The following EED variants were observed in gnomAD, a reference collection of about 807,000 sequenced individuals.
EED encodes the protein embryonic ectoderm development.
EED carries 9 observed loss-of-function variants against 61.0 expected under a neutral mutation model. The observed-to-expected ratio is 0.15, with a 90% CI of 0.09 to 0.26. The LOEUF (loss-of-function observed/expected upper bound fraction) is 0.26, where lower values mean the gene tolerates loss of function less well. Ranked by LOEUF, EED falls within the 10% of genes least tolerant of loss-of-function variation. The pLI is 1.00. For missense variants in EED, 315 were observed against 542.3 expected, an observed-to-expected ratio of 0.58 and a Z score of 4.16; for synonymous variants, 187 against 174.4, an observed-to-expected ratio of 1.07 and a Z score of -0.57.
At chr11:86,256,609 C>T in intron 5 of EED, 97 bp downstream of exon 5, 1 of 1,201,874 alleles carries the variant, frequency 8.3e-7, no homozygotes, top group South Asian at 2.5e-5. Flanking sequence ...ATGAATGTAA[C>T]ATTTCTCATT....
At chr11:86,280,720 C>T (rs1946314034), downstream of EED, among the ~76,000 whole-genome samples, 1 of 152,160 alleles carries the variant, frequency 6.6e-6, no homozygotes, top group African/African-American at 2.4e-5. Flanking sequence ...GCAAATTGGG[C>T]TAATATATCC....
downstream of EED, among the ~76,000 whole-genome samples, chr11:86,280,378 C>T (rs1485469912): frequency 6.6e-6 from 1 of 152,112 alleles, no homozygotes; most frequent in Non-Finnish European, 1.5e-5. Context: ...AGTTATCAGC[C>T]ACATGTTTAT....
At chr11:86,276,449 G>A (rs1485821837) in intron 9 of EED, 1 of 152,128 alleles carries the variant, frequency 6.6e-6, no homozygotes, top group Non-Finnish European at 1.5e-5. Flanking sequence ...ACTTTCCTAA[G>A]ATACCTGTTG....
chr11:86,258,554 G>GTTTTTT lies in EED; in HGVS notation c.634+958_634+959insTTTTTT, dbSNP rs768325009. Among the ~76,000 whole-genome samples the GTTTTTT allele has an allele frequency of 6.8e-4, 97 of 143,618 alleles. 2 individuals are homozygous for GTTTTTT. In the East Asian group the frequency reaches 7.0e-3, roughly 10 times the overall value. The allele number at this position is 143,618 out of a possible 152,430, so 94.2% of individuals were successfully genotyped here. ...TTTTTTTCTCTTTTCTTTGTTTTTTGGTTTTTTTTTTTTTTTTTGAGACAA... is the reference window on the plus strand; with the variant it reads ...TTTTTTTCTCTTTTCTTTGTTTTTTGTTTTTTGTTTTTTTTTTTTTTTTTGAGACAA... On this transcript the variant is annotated intron_variant, in intron 6 of 11. Transcript: ENST00000263360.
chr11:86,256,991 C>T (rs1319651268), intron 5 of EED, among the ~76,000 whole-genome samples: 1 of 152,056 alleles, frequency 6.6e-6, no homozygotes, highest in African/African-American at 2.4e-5. Flanking sequence ...CATATTGGAG[C>T]CTCCGCTAAT....
intron 9 of EED, among the ~76,000 whole-genome samples, chr11:86,271,252 C>G (rs1482882730): frequency 1.3e-5 from 2 of 152,120 alleles, no homozygotes; most frequent in Non-Finnish European, 2.9e-5. Context: ...CATTTTTGCT[C>G]TGTTAGATTT....
intron 6 of EED, among the ~76,000 whole-genome samples, chr11:86,258,716 C>G (rs1431347192): frequency 6.7e-6 from 1 of 149,548 alleles, no homozygotes; most frequent in African/African-American, 2.5e-5. Flanking sequence ...CCACCATGCC[C>G]GGCTAATTTT....
At chr11:86,262,728 C>T (rs1945865159) in intron 6 of EED, among the ~76,000 whole-genome samples, 1 of 151,530 alleles carries the variant, frequency 6.6e-6, no homozygotes, top group Admixed American at 6.6e-5. Flanking sequence ...CCAGGCTAGT[C>T]TCGAATTCCT....
intron 8 of EED, 69 bp downstream of exon 8, chr11:86,266,285 A>G: frequency 1.5e-6 from 2 of 1,358,536 alleles, no homozygotes. Context: ...TTTTTTCCCA[A>G]AATTGCTATA....
chr11:86,250,522 ACT>A, intron 2 of EED, 74 bp downstream of exon 2: 1 of 1,380,878 alleles, frequency 7.2e-7, no homozygotes, highest in Non-Finnish European at 9.5e-7. Context: ...CGCATTTCGT[ACT>A]CAGGATACTC....
chr11:86,287,149 C>T, the EED span, among the ~76,000 whole-genome samples: 1 of 151,584 alleles, frequency 6.6e-6, no homozygotes, highest in Non-Finnish European at 1.5e-5. Flanking sequence ...ATTTCACAAC[C>T]TGCCCATGGA....
chr11:86,245,646 G>A (rs747925146), intron 1 of EED, among the ~76,000 whole-genome samples: 5 of 151,972 alleles, frequency 3.3e-5, no homozygotes, highest in Non-Finnish European at 7.4e-5. Context: ...AGGGGAGAGT[G>A]CGGGTCTGAG....
intron 9 of EED, among the ~76,000 whole-genome samples, chr11:86,275,259 C>T (rs1268298399): frequency 1.3e-5 from 2 of 152,162 alleles, no homozygotes; most frequent in East Asian, 1.9e-4. Flanking sequence ...AAAAACACAT[C>T]TGCTACATTG....
downstream of EED, among the ~76,000 whole-genome samples, chr11:86,279,685 A>C (rs1289524440): frequency 1.3e-5 from 2 of 152,230 alleles, no homozygotes. Flanking sequence ...GTATATTTTT[A>C]AAGTTTAGTT....
At chr11:86,280,912 C>T (rs1231495603), downstream of EED, among the ~76,000 whole-genome samples, 2 of 152,162 alleles carry the variant, frequency 1.3e-5, no homozygotes, top group Non-Finnish European at 2.9e-5. Flanking sequence ...TTTTCTGCCT[C>T]TATTGTGATA....
chr11:86,257,680 T>C (rs2138164121), intron 6 of EED, 84 bp downstream of exon 6: 5 of 1,118,256 alleles, frequency 4.5e-6, no homozygotes, highest in Admixed American at 5.2e-5. Flanking sequence ...CCCTGACAAA[T>C]AGGAAAAACC....
intron 1 of EED, among the ~76,000 whole-genome samples, chr11:86,249,986 T>G (rs1945488862): frequency 6.6e-6 from 1 of 152,188 alleles, no homozygotes; most frequent in Non-Finnish European, 1.5e-5. Context: ...TGTAAAGAGC[T>G]GTAAAGATTC....
chr11:86,247,461 G>A (rs1237608037), intron 1 of EED, among the ~76,000 whole-genome samples: 1 of 152,154 alleles, frequency 6.6e-6, no homozygotes. Context: ...CTAGCAGCGG[G>A]TCTGATAGTA....
chr11:86,254,376 A>G (rs1945615033), intron 3 of EED, among the ~76,000 whole-genome samples: 1 of 146,474 alleles, frequency 6.8e-6, no homozygotes. Context: ...GCTGGAGTGC[A>G]GTGGTGCAAT....
Sources: allele counts gnomAD v4.1 joint callset (sites outside exome capture counted in the v4.1 genomes callset), GRCh38; gene constraint gnomAD v4.1.1; transcripts MANE v1.5; gene names NCBI Gene and HGNC (gene_info 2026-07-23, HGNC 2026-07-21).